SOBP: variants seen among roughly 807,000 people sequenced by gnomAD.
The protein encoded by SOBP is sine oculis binding protein homolog, also known as sine oculis-binding protein homolog.
Under a neutral mutation model 53.6 loss-of-function variants are expected in SOBP, and 4 were observed. The ratio of observed to expected loss-of-function variants is 0.07; its 90% CI spans 0.04 to 0.17. SOBP has a LOEUF of 0.17. Ranked by LOEUF, SOBP falls within the 10% of genes least tolerant of loss-of-function variation. The pLI, the probability that SOBP is intolerant of heterozygous loss-of-function variation, is 1.00. For missense variants in SOBP, 1,088 were observed against 1,204.7 expected (o/e 0.90, Z 1.43); for synonymous variants, 584 against 522.6 (o/e 1.12, Z -1.60).
chr6:107,640,338 C>T (rs953718053), intron 6 of SOBP, among the ~76,000 whole-genome samples: 2 of 152,200 alleles, frequency 1.3e-5, no homozygotes, highest in African/African-American at 2.4e-5. Context: ...GGGATGTGCT[C>T]GGATCCTGTG....
intron 5 of SOBP, among the ~76,000 whole-genome samples, chr6:107,618,873 A>G (rs1369068661): frequency 2.0e-5 from 3 of 152,222 alleles, no homozygotes; most frequent in African/African-American, 7.2e-5. Flanking sequence ...TAGGGTAACT[A>G]GAACTGAGAG....
At chr6:107,606,713 C>A (rs1436270383) in intron 5 of SOBP, among the ~76,000 whole-genome samples, 2 of 152,190 alleles carry the variant, frequency 1.3e-5, no homozygotes, top group Non-Finnish European at 2.9e-5. Context: ...GCGGCAGCGC[C>A]CTCACTGGGA....
chr6:107,617,029 G>A (rs1006232082), intron 5 of SOBP, among the ~76,000 whole-genome samples: 1 of 152,184 alleles, frequency 6.6e-6, no homozygotes, highest in African/African-American at 2.4e-5. Context: ...GCGTCTGCCA[G>A]GCATGATGAA....
chr6:107,560,290 A>G (rs1405126580), intron 4 of SOBP, among the ~76,000 whole-genome samples: 9 of 114,564 alleles, frequency 7.9e-5, no homozygotes, highest in African/African-American at 3.0e-4. Context: ...GGTAGTAAAG[A>G]TAGGAGTAGC....
intron 1 of SOBP, among the ~76,000 whole-genome samples, chr6:107,494,376 A>G (rs1237310851): frequency 2.6e-5 from 4 of 152,236 alleles, no homozygotes; most frequent in Non-Finnish European, 5.9e-5. Context: ...ATATAATATA[A>G]AAACTAACTT....
chr6:107,656,309 A>AAGACAGAC (rs1465160246), intron 6 of SOBP, among the ~76,000 whole-genome samples: 2 of 19,686 alleles, frequency 1.0e-4, no homozygotes, highest in Non-Finnish European at 1.2e-4. Flanking sequence ...GAAAGAAAGA[A>AAGACAGAC]AGAAAGAAAG....
Position 107,635,987 on chromosome 6 carries a change from G to A in SOBP, c.*3+518G>A, listed in dbSNP as rs1394025298. Among the ~76,000 whole-genome samples, 4 of 152,176 alleles carry A rather than the reference G, an allele frequency of 2.6e-5. No homozygotes were observed. Among genetic ancestry groups the A allele is most frequent in the African/African-American group, 9.7e-5 (4 of 41,426 alleles). ...GTCACCAAATTTTCTTGATAAGGAC[G>A]GGATTCCATTTGTAAAGTGAGAATG... is the stretch of plus-strand genomic sequence containing the variant. On this transcript the variant is annotated intron_variant, in intron 6 of 6. Transcript: ENST00000317357. The surrounding 1 kb of genome is among the most constrained non-coding windows in gnomAD (Gnocchi z 4.5).
intron 6 of SOBP, among the ~76,000 whole-genome samples, chr6:107,643,986 A>G (rs190102289): frequency 6.6e-5 from 10 of 152,318 alleles, no homozygotes; most frequent in Admixed American, 3.9e-4. Flanking sequence ...CTCAAAAGCT[A>G]AAGTGTTCTA....
At chr6:107,623,823 A>G (rs886384977) in intron 5 of SOBP, among the ~76,000 whole-genome samples, 1 of 152,220 alleles carries the variant, frequency 6.6e-6, no homozygotes, top group African/African-American at 2.4e-5. Flanking sequence ...CTCAGAGTGA[A>G]GTAGGCAGCA....
At chr6:107,497,964 A>T (rs1263142396) in intron 1 of SOBP, among the ~76,000 whole-genome samples, 1 of 152,218 alleles carries the variant, frequency 6.6e-6, no homozygotes, top group Non-Finnish European at 1.5e-5. Context: ...TAAATTCCCA[A>T]TAGCATGAGG....
chr6:107,653,680 A>G (rs1186007598), intron 6 of SOBP, among the ~76,000 whole-genome samples: 1 of 152,242 alleles, frequency 6.6e-6, no homozygotes, highest in Non-Finnish European at 1.5e-5. Context: ...GGAAGGAAAT[A>G]ATACAAGTTT....
chr6:107,620,789 G>T (rs1465055628), intron 5 of SOBP, among the ~76,000 whole-genome samples: 1 of 152,088 alleles, frequency 6.6e-6, no homozygotes, highest in Admixed American at 6.5e-5. Flanking sequence ...TCTTTTTTCT[G>T]TGTCTCACCA....
At chr6:107,612,550 A>G (rs1238096301) in intron 5 of SOBP, among the ~76,000 whole-genome samples, 1 of 152,172 alleles carries the variant, frequency 6.6e-6, no homozygotes. Flanking sequence ...ACTGAACCAG[A>G]AACTGGAGAG....
intron 4 of SOBP, among the ~76,000 whole-genome samples, chr6:107,568,424 T>G (rs1784977429): frequency 2.0e-5 from 3 of 152,244 alleles, no homozygotes. Flanking sequence ...CAGGCAACTC[T>G]AAGCTTCCCA....
intron 4 of SOBP, among the ~76,000 whole-genome samples, chr6:107,552,961 A>G (rs1784504195): frequency 6.6e-6 from 1 of 152,172 alleles, no homozygotes; most frequent in South Asian, 2.1e-4. Flanking sequence ...ATGAAGACAT[A>G]ATAGCTAAGG....
rs75530122 is a variant in SOBP, at chr6:107,620,089, C to G, written c.670-13425C>G. On this transcript the variant is annotated intron_variant, in intron 5 of 6. Transcript: ENST00000317357. ...GTGGGAATAGCCATTGCCACTCATC[C>G]CTGTGGTGTCTGAGCAATTGTGCTG... 4.8e-3 allele frequency among the ~76,000 whole-genome samples: 726 copies of G among 152,316 alleles called. 6 individuals carry two copies. Among genetic ancestry groups the G allele is most frequent in the African/African-American group, 0.017 (695 of 41,568 alleles).
At chr6:107,503,537 T>C in intron 1 of SOBP, 120 bp from the exon 2 acceptor site, 1 of 1,065,666 alleles carries the variant, frequency 9.4e-7, no homozygotes, top group South Asian at 1.3e-5. Context: ...AACACCACAC[T>C]AGGGGAAGTG....
chr6:107,576,383 T>A (rs1423191652), intron 4 of SOBP, among the ~76,000 whole-genome samples: 1 of 152,224 alleles, frequency 6.6e-6, no homozygotes, highest in Non-Finnish European at 1.5e-5. Flanking sequence ...TCATATTTCT[T>A]CCTAAAGAAA....
At chr6:107,599,317 C>G (rs1270490020) in intron 5 of SOBP, among the ~76,000 whole-genome samples, 1 of 152,046 alleles carries the variant, frequency 6.6e-6, no homozygotes, top group Non-Finnish European at 1.5e-5. Flanking sequence ...AAAGATAAAT[C>G]CTTTTGGACT....
Sources: allele counts gnomAD v4.1 joint callset (sites outside exome capture counted in the v4.1 genomes callset), GRCh38; gene constraint gnomAD v4.1.1; non-coding constraint Gnocchi (gnomAD v3.1); transcripts MANE v1.5; gene names NCBI Gene and HGNC (gene_info 2026-07-23, HGNC 2026-07-21).